Variants in ADGRL1 observed in about 807,000 individuals in gnomAD.
ADGRL1 encodes CIRL-1.
Under a neutral mutation model 148.9 loss-of-function variants are expected in ADGRL1, and 31 were observed. That is an observed-to-expected ratio of 0.21 (90% CI 0.16 to 0.28). The LOEUF is 0.28. Among genes scored for constraint, ADGRL1 ranks in the 10% least tolerant of loss-of-function variants. ADGRL1 has a pLI of 1.00. For synonymous variants in ADGRL1, 937 were observed against 900.3 expected (o/e 1.04, Z -0.73); for missense variants, 1,521 against 2,058.8 (o/e 0.74, Z 5.05).
chr19:14,155,558 A>C lies in ADGRL1; in HGVS notation c.3126-31T>G, dbSNP rs1599392549. 2 of 1,609,816 alleles carry C rather than the reference A, an allele frequency of 1.2e-6. No homozygotes were observed. The highest frequency in any genetic ancestry group is 2.2e-5 in the East Asian group (1 of 44,768). On this transcript the variant is annotated intron_variant, in intron 17 of 22. Transcript: ENST00000361434. The surrounding 1 kb of genome is among the most constrained non-coding windows in gnomAD (Gnocchi z 5.0). ...AGTGGGGCGACAGGGGAGTCAAAGT[A>C]CCCGCCGGAGGGGACGGCCTCAGCC... is the stretch of plus-strand genomic sequence containing the variant.
In ADGRL1 at chr19:14,163,087, C is replaced by T; in HGVS notation, c.714G>A (p.Lys238=). The T allele has an allele frequency of 3.1e-6, 5 of 1,614,148 alleles. No homozygotes were observed. Among genetic ancestry groups the T allele is most frequent in the Non-Finnish European group, 4.2e-6 (5 of 1,180,040 alleles). Residue 238 remains lysine, a synonymous_variant, in exon 5 of 23, where the codon AAG becomes AAA. Coordinates refer to ENST00000361434, the MANE Select transcript of ADGRL1 (RefSeq NM_014921.5). The part of the protein sequence containing the change: ...IVKYDLRTRI[K]SGETVINTAN... ...CGGTATTGATGACCGTCTCCCCGCT[C>T]TTGATGCGCGTCCGTAGGTCATACT...
intron 3 of ADGRL1, among the ~76,000 whole-genome samples, chr19:14,176,309 C>A (rs1430428646): frequency 6.6e-6 from 1 of 152,054 alleles, no homozygotes; most frequent in Non-Finnish European, 1.5e-5. Flanking sequence ...CAAGATCGCA[C>A]CACTGCACTC....
At position 14,161,176 on chromosome 19, in the gene ADGRL1, G is replaced by C. The variant is rs1168159925; in HGVS notation, c.1510+136C>G. On this transcript the variant is annotated intron_variant, in intron 6 of 22. Transcript: ENST00000361434. The surrounding 1 kb of genome is among the most constrained non-coding windows in gnomAD (Gnocchi z 4.4). ...GTGGCTCCTGTGCCCTGAGAGCTCT[G>C]CTGGTCACTGGGGATGACCCCTGCC... 2 of 878,692 alleles carry C rather than the reference G, an allele frequency of 2.3e-6. No homozygotes were observed. The highest frequency in any genetic ancestry group is 3.3e-6 in the Non-Finnish European group (2 of 607,578). 54.4% of individuals were successfully genotyped at this position (878,692 alleles called of 1,614,324 possible).
At chr19:14,205,335 G>C (rs771446634) in intron 1 of ADGRL1, among the ~76,000 whole-genome samples, 23 of 151,994 alleles carry the variant, frequency 1.5e-4, no homozygotes, top group Non-Finnish European at 2.6e-4. Context: ...CCGGCACCAC[G>C]GAGAGAAGGT....
rs983159739 is a variant in ADGRL1 at position 14,147,927 on chromosome 19, T to C, written c.*2946A>G. ...GACCAAGGAGGGAGGGGCTGGGGCG[T>C]GGGAGGTGGGGAGGAGGCCCGAATG... is the stretch of plus-strand genomic sequence containing the variant. On this transcript the variant is annotated 3_prime_UTR_variant, in exon 23 of 23. Coordinates refer to ENST00000361434, the MANE Select transcript of ADGRL1 (RefSeq NM_014921.5). The C allele has an allele frequency of 1.3e-5, 2 of 149,542 alleles. No homozygotes were observed. The highest frequency in any genetic ancestry group is 4.9e-5 in the African/African-American group (2 of 40,438). The allele number at this position is 149,542 out of a possible 1,614,324, so 9.3% of individuals were successfully genotyped here.
At chr19:14,205,693 G>T (rs1283109774) in intron 1 of ADGRL1, among the ~76,000 whole-genome samples, 2 of 151,310 alleles carry the variant, frequency 1.3e-5, no homozygotes, top group South Asian at 2.1e-4. Flanking sequence ...GCACACTCGC[G>T]GTCCCCTCCC....
At chr19:14,184,138 T>A (rs1971411468) in intron 1 of ADGRL1, among the ~76,000 whole-genome samples, 1 of 152,010 alleles carries the variant, frequency 6.6e-6, no homozygotes, top group Non-Finnish European at 1.5e-5. Flanking sequence ...TGGGCAGAAA[T>A]CCAAGCCCCC....
At chr19:14,170,650 C>T (rs1164057027) in intron 4 of ADGRL1, 32 bp downstream of exon 4, 2 of 1,351,026 alleles carry the variant, frequency 1.5e-6, no homozygotes, top group East Asian at 4.7e-5. Context: ...GCGAGAAGGG[C>T]CCGCATCCGC....
intron 1 of ADGRL1, among the ~76,000 whole-genome samples, chr19:14,199,457 G>T (rs1026918776): frequency 2.0e-5 from 3 of 151,730 alleles, no homozygotes; most frequent in Non-Finnish European, 4.4e-5. Context: ...TTAGAGACAG[G>T]GTCTTACTCT....
intron 1 of ADGRL1, among the ~76,000 whole-genome samples, chr19:14,197,844 T>C (rs1972359945): frequency 1.3e-5 from 2 of 152,186 alleles, no homozygotes; most frequent in Admixed American, 1.3e-4. Flanking sequence ...GTTTAATGAA[T>C]GAAGATGAAA....
rs536146578 is a variant in ADGRL1 at position 14,150,975 on chromosome 19, G to A, written c.4308C>T (p.Tyr1436=). 1.9e-6 allele frequency: 3 copies of A among 1,597,618 alleles called. No homozygotes were observed. The Admixed American group carries it at 5.2e-5, about 27-fold the overall frequency. Residue 1436 remains tyrosine (Y), a synonymous_variant, in exon 23 of 23, where the codon TAC becomes TAT. Coordinates refer to ENST00000361434, the MANE Select transcript of ADGRL1 (RefSeq NM_014921.5). ...CCTCGTGGCTAGGACGCCGCACCTG[G>A]TAGTAGCCCTGCAGGGGATTCCGGG... ...LVARNPLQGY[Y]QVRRPSHEGY... is the part of the protein sequence containing the mutation.
At chr19:14,187,981 G>A (rs2145074614) in intron 1 of ADGRL1, among the ~76,000 whole-genome samples, 1 of 152,198 alleles carries the variant, frequency 6.6e-6, no homozygotes, top group South Asian at 2.1e-4. Flanking sequence ...TGTGATCCCA[G>A]TGCTTTGGGA....
chr19:14,176,224 G>A (rs1431495851), intron 3 of ADGRL1, among the ~76,000 whole-genome samples: 7 of 151,736 alleles, frequency 4.6e-5, no homozygotes, highest in African/African-American at 7.3e-5. Context: ...GGTGGTGCGC[G>A]CCTGTAGTCC....
rs202095799 is a variant in ADGRL1, at chr19:14,151,384, G to A, written c.3899C>T (p.Pro1300Leu). ...CACAGGTGGCACAGGGGGCTCAGGCGGTGGAGGGCCCTTGGCCGCGCTGCT... is the reference window on the plus strand; with the variant it reads ...CACAGGTGGCACAGGGGGCTCAGGCAGTGGAGGGCCCTTGGCCGCGCTGCT... ...GSSSAAKGPP[P>L]PEPPVPPVPG... Residue 1300 changes from proline (P) to leucine (L), a missense_variant, in exon 23 of 23, where the codon CCG (proline) becomes CTG (leucine). By Grantham distance (98) the Pro-to-Leu change is moderately conservative. Transcript: ENST00000361434. 36 of 1,604,882 alleles carry A rather than the reference G, an allele frequency of 2.2e-5. No homozygotes were observed. The highest frequency in any genetic ancestry group is 6.8e-5 in the Admixed American group (4 of 58,434).
chr19:14,161,578 G>A lies in ADGRL1; in HGVS notation c.1244C>T (p.Thr415Met), dbSNP rs1197685523. ...GGGCGAGGCTGTGCTGGTGAGGGGC[G>A]TGGGCCTGGCTGTGGTGGTCGTGCT... The part of the protein sequence containing the change: ...PLSTTTTARP[T>M]PLTSTASPAA... Residue 415 changes from threonine to methionine, a missense_variant, in exon 6 of 23, where the codon ACG (threonine) becomes ATG (methionine). Transcript: ENST00000361434. The surrounding 1 kb of genome is among the most constrained non-coding windows in gnomAD (Gnocchi z 4.4). 19 of 1,445,828 alleles carry A rather than the reference G, an allele frequency of 1.3e-5. No individual in the cohort carries two copies. Among genetic ancestry groups the A allele is most frequent in the African/African-American group, 2.9e-5 (2 of 67,888 alleles). 89.6% of individuals were successfully genotyped at this position (1,445,828 alleles called of 1,614,324 possible). A position where few individuals can be genotyped will look rare whatever the true frequency, so the allele number is the denominator to read the frequency against.
At chr19:14,199,724 A>AATTTT (rs1461183951) in intron 1 of ADGRL1, among the ~76,000 whole-genome samples, 1 of 151,486 alleles carries the variant, frequency 6.6e-6, no homozygotes. Context: ...CGGCTGTTGC[A>AATTTT]ATTTTATTTT....
intron 1 of ADGRL1, among the ~76,000 whole-genome samples, chr19:14,184,176 C>T (rs761888323): frequency 9.9e-5 from 15 of 152,228 alleles, no homozygotes; most frequent in Non-Finnish European, 1.8e-4. Flanking sequence ...TCCTGTCTCT[C>T]AAGCTCTGGT....
chr19:14,161,319 C>G lies in ADGRL1; in HGVS notation c.1503G>C (p.Gly501=). 17 of 1,588,928 alleles carry G rather than the reference C, an allele frequency of 1.1e-5. No individual in the cohort carries two copies. The highest frequency in any genetic ancestry group is 1.5e-5 in the Non-Finnish European group (17 of 1,170,440). ...TGCAGCCTCTGTACTCACCTCGAGT[C>G]CCCTTGGGGCAGGGCCTCTCCACCA... ...GMLVERPCPK[G]TRGIASFQCL... The change falls in exon 6 of 23, where the codon GGG becomes GGC. Residue 501 remains glycine, a synonymous_variant. Coordinates refer to ENST00000361434, the MANE Select transcript of ADGRL1 (RefSeq NM_014921.5). This position sits in a 1 kb window ranked among gnomAD's most constrained non-coding sequence, Gnocchi z 4.4.
chr19:14,151,221 G>T lies in ADGRL1; in HGVS notation c.4062C>A (p.Asp1354Glu). The T allele has an allele frequency of 1.2e-6, 2 of 1,611,942 alleles. No homozygotes were observed. Among genetic ancestry groups the T allele is most frequent in the Non-Finnish European group, 1.7e-6 (2 of 1,179,684 alleles). Residue 1354 changes from aspartate (D) to glutamate (E), a missense_variant, in exon 23 of 23, where the codon GAC (aspartate) becomes GAA (glutamate). Asp to Glu is a conservative substitution (Grantham distance 45, BLOSUM62 2). Coordinates refer to ENST00000361434, the MANE Select transcript of ADGRL1 (RefSeq NM_014921.5). ...AQSVLYQSDL[D>E]ESESCTAEDG... ...CCTCGGCCGTGCAGCTCTCCGACTCGTCCAGATCGCTCTGGTACAGCACCG... is the reference window on the plus strand; with the variant it reads ...CCTCGGCCGTGCAGCTCTCCGACTCTTCCAGATCGCTCTGGTACAGCACCG...
Sources: gnomAD v4.1 joint callset for allele counts (sites outside exome capture counted in the v4.1 genomes callset) on GRCh38, gnomAD v4.1.1 for gene constraint, Gnocchi (gnomAD v3.1) non-coding constraint, MANE v1.5 for transcripts, NCBI Gene and HGNC (gene_info 2026-07-23, HGNC 2026-07-21) for gene names.